CNTN4: variants seen among roughly 807,000 people sequenced by gnomAD.
CNTN4 encodes the protein contactin-4.
In CNTN4, 77 loss-of-function variants were observed where a neutral mutation model predicts 122.5. That is an observed-to-expected ratio of 0.63 (90% CI 0.52 to 0.76). The LOEUF is 0.76. CNTN4 is among the 30% of genes least tolerant of loss of function. The probability of loss-of-function intolerance (pLI) is 0.00; values close to 1 mark genes in which losing one functional copy is unlikely to be tolerated. For synonymous variants in CNTN4, 512 were observed against 447.0 expected, an observed-to-expected ratio of 1.15 and a Z score of -1.83; for missense variants, 1,256 against 1,259.1, an observed-to-expected ratio of 1.00 and a Z score of 0.04.
chr3:2,421,234 T>C (rs201599225), intron 3 of CNTN4, among the ~76,000 whole-genome samples: 1 of 144,954 alleles, frequency 6.9e-6, no homozygotes, highest in Non-Finnish European at 1.5e-5. Context: ...TTAGGGTGGG[T>C]ACCCTTCAGG....
intron 6 of CNTN4, among the ~76,000 whole-genome samples, chr3:2,752,781 T>C (rs1386271920): frequency 6.6e-6 from 1 of 152,160 alleles, no homozygotes; most frequent in African/African-American, 2.4e-5. Flanking sequence ...TCCCCACCTC[T>C]AGTTACCACT....
At chr3:2,263,795 C>T (rs2149769460) in intron 2 of CNTN4, among the ~76,000 whole-genome samples, 1 of 140,216 alleles carries the variant, frequency 7.1e-6, no homozygotes, top group South Asian at 2.3e-4. Flanking sequence ...CCTTCCTTTC[C>T]AAGCCTCTGG....
chr3:2,143,621 T>C (rs1254860310), intron 2 of CNTN4, among the ~76,000 whole-genome samples: 7 of 152,238 alleles, frequency 4.6e-5, no homozygotes, highest in Admixed American at 4.6e-4. Context: ...TTATCAATGA[T>C]AAATATTTGT....
intron 4 of CNTN4, among the ~76,000 whole-genome samples, chr3:2,583,315 A>G (rs2080033105): frequency 6.6e-6 from 1 of 152,212 alleles, no homozygotes; most frequent in South Asian, 2.1e-4. Flanking sequence ...CATCCCATCC[A>G]ACCTATCTTG....
At chr3:2,661,044 G>A (rs1436185031) in intron 4 of CNTN4, among the ~76,000 whole-genome samples, 3 of 152,304 alleles carry the variant, frequency 2.0e-5, no homozygotes, top group African/African-American at 4.8e-5. Context: ...TGGTATTATA[G>A]TTAAGGAGCG....
intron 7 of CNTN4, among the ~76,000 whole-genome samples, chr3:2,831,651 C>T (rs1408818085): frequency 6.6e-6 from 1 of 152,164 alleles, no homozygotes; most frequent in African/African-American, 2.4e-5. Context: ...CACAATTAAC[C>T]CCTGGAAAGG....
chr3:2,109,925 A>G (rs982374322), intron 2 of CNTN4, among the ~76,000 whole-genome samples: 2 of 152,366 alleles, frequency 1.3e-5, no homozygotes, highest in African/African-American at 4.8e-5. Flanking sequence ...CTTAAGTTGC[A>G]TATCTAATTC....
intron 2 of CNTN4, among the ~76,000 whole-genome samples, chr3:2,276,139 T>G (rs1295987163): frequency 6.6e-6 from 1 of 151,982 alleles, no homozygotes; most frequent in Non-Finnish European, 1.5e-5. Flanking sequence ...TGCATTATAA[T>G]TTTGAATATC....
At chr3:2,392,450 C>T (rs1206372469) in intron 3 of CNTN4, among the ~76,000 whole-genome samples, 1 of 152,150 alleles carries the variant, frequency 6.6e-6, no homozygotes, top group Non-Finnish European at 1.5e-5. Flanking sequence ...GAAAAATATG[C>T]ACACAGTCTT....
At chr3:2,624,142 AT>A in intron 4 of CNTN4, among the ~76,000 whole-genome samples, 1 of 152,326 alleles carries the variant, frequency 6.6e-6, no homozygotes, top group East Asian at 1.9e-4. Context: ...AAATTTAAAA[AT>A]ACTTTTAAAA....
intron 2 of CNTN4, among the ~76,000 whole-genome samples, chr3:2,166,116 A>C (rs1366327406): frequency 6.6e-6 from 1 of 152,046 alleles, no homozygotes; most frequent in Non-Finnish European, 1.5e-5. Context: ...TAACTTTTTG[A>C]GGAATCTTTA....
chr3:3,020,112 G>T (rs1444863475), intron 14 of CNTN4, among the ~76,000 whole-genome samples: 1 of 151,918 alleles, frequency 6.6e-6, no homozygotes, highest in Non-Finnish European at 1.5e-5. Context: ...TTCCATATTC[G>T]ACATAAGTCT....
Position 2,302,430 on chromosome 3 carries a change from A to C in CNTN4, c.-144-36748A>C, listed in dbSNP as rs78650941. On this transcript the variant is annotated intron_variant, in intron 2 of 24. Transcript: ENST00000418658. Reference sequence around the variant, plus strand: ...GTGACAGAGCGAGACTCCATCTCAAAAAACAAACAAACAGACATCTTAGAA... The same window carrying C: ...GTGACAGAGCGAGACTCCATCTCAACAAACAAACAAACAGACATCTTAGAA... 5.7e-3 allele frequency among the ~76,000 whole-genome samples: 865 copies of C among 152,368 alleles called. 16 individuals are homozygous for C. The highest frequency in any genetic ancestry group is 0.019 in the African/African-American group (810 of 41,588).
At position 2,709,439 on chromosome 3, in the gene CNTN4, T is replaced by C. The variant is rs964422626; in HGVS notation, c.56-26776T>C. Among the ~76,000 whole-genome samples, 2 of 152,024 alleles carry C rather than the reference T, an allele frequency of 1.3e-5. No homozygotes were observed. The highest frequency in any genetic ancestry group is 4.8e-5 in the African/African-American group (2 of 41,390). ...CAGGGATTTTCAAAGTTCCCTCAGG[T>C]GATCATCGTGTGCAATGGGGGATGG... On this transcript the variant is annotated intron_variant, in intron 4 of 24. Coordinates refer to ENST00000418658, the MANE Select transcript of CNTN4 (RefSeq NM_175607.3). This position sits in a 1 kb window ranked among gnomAD's most constrained non-coding sequence, Gnocchi z 5.0.
intron 2 of CNTN4, among the ~76,000 whole-genome samples, chr3:2,156,852 A>G (rs60773127): frequency 0.022 from 3,354 of 152,284 alleles, 108 homozygotes; most frequent in African/African-American, 0.076. Context: ...ACTAAGAGCT[A>G]TGGATTGCTA....
intron 2 of CNTN4, among the ~76,000 whole-genome samples, chr3:2,297,351 C>G (rs1054949152): frequency 6.6e-6 from 1 of 152,090 alleles, no homozygotes; most frequent in African/African-American, 2.4e-5. Context: ...TTGAATATTT[C>G]CAAATGATGT....
Position 2,569,688 on chromosome 3 carries a change from G to A in CNTN4, c.-88-1728G>A, listed in dbSNP as rs112728866. 1.9e-3 allele frequency among the ~76,000 whole-genome samples: 296 copies of A among 152,098 alleles called. 1 individual carries two copies. Among genetic ancestry groups the A allele is most frequent in the African/African-American group, 6.4e-3 (266 of 41,478 alleles). ...ATTCAAAGAGAGGCTAGGTGGAGTG[G>A]TCTACCTAGGACCACATAACAAGTT... On this transcript the variant is annotated intron_variant, in intron 3 of 24. Coordinates refer to ENST00000418658, the MANE Select transcript of CNTN4 (RefSeq NM_175607.3).
intron 3 of CNTN4, among the ~76,000 whole-genome samples, chr3:2,471,209 G>T (rs1404755851): frequency 6.6e-6 from 1 of 152,196 alleles, no homozygotes; most frequent in African/African-American, 2.4e-5. Context: ...GTCCCAGAGA[G>T]TGACTGTGAT....
At chr3:2,678,916 G>GA (rs1390091838) in intron 4 of CNTN4, among the ~76,000 whole-genome samples, 1 of 61,692 alleles carries the variant, frequency 1.6e-5, no homozygotes, top group African/African-American at 8.9e-5. Flanking sequence ...GGATGATCAA[G>GA]GGGTAAAAGT....
Sources: allele counts gnomAD v4.1 joint callset (sites outside exome capture counted in the v4.1 genomes callset), GRCh38; gene constraint gnomAD v4.1.1; non-coding constraint Gnocchi (gnomAD v3.1); transcripts MANE v1.5; gene names NCBI Gene and HGNC (gene_info 2026-07-23, HGNC 2026-07-21).